SWAP70: variants seen among roughly 807,000 people sequenced by gnomAD.
The protein encoded by SWAP70 is switch-associated protein 70.
In SWAP70, 34 loss-of-function variants were observed where a neutral mutation model predicts 80.2. The ratio of observed to expected loss-of-function variants is 0.42; its 90% CI spans 0.32 to 0.56. The LOEUF is 0.56. Ranked by LOEUF, SWAP70 falls within the 20% of genes least tolerant of loss-of-function variation. The pLI, the probability that SWAP70 is intolerant of heterozygous loss-of-function variation, is 0.09. For synonymous variants in SWAP70, 239 were observed against 238.5 expected (o/e 1.00, Z -0.02); for missense variants, 578 against 690.7 (o/e 0.84, Z 1.83).
rs1851250896 is a variant in SWAP70, at chr11:9,728,170, A to G, written c.760A>G (p.Ile254Val). Residue 254 changes from isoleucine (I) to valine (V), a missense_variant, in exon 5 of 12, where the codon ATT becomes GTT. By Grantham distance (29) the Ile-to-Val change is conservative (BLOSUM62 3). Coordinates refer to ENST00000318950, the MANE Select transcript of SWAP70 (RefSeq NM_015055.4). Reference sequence around the variant, plus strand: ...GGATCTGAAGGATAAGAAAGGAGACATTCTCTTGGATGAAAATTGCTGTGT... The same window carrying G: ...GGATCTGAAGGATAAGAAAGGAGACGTTCTCTTGGATGAAAATTGCTGTGT... ...SEDLKDKKGD[I>V]LLDENCCVES... 2 of 1,611,912 alleles carry G rather than the reference A, an allele frequency of 1.2e-6. No individual in the cohort carries two copies. The highest frequency in any genetic ancestry group is 2.2e-5 in the South Asian group (2 of 90,806).
chr11:9,748,827 A>G (rs1324049345), intron 10 of SWAP70, among the ~76,000 whole-genome samples: 9 of 152,250 alleles, frequency 5.9e-5, no homozygotes, highest in Non-Finnish European at 1.5e-5. Context: ...TGGTGGAAGA[A>G]TAGGCTTTGG....
At chr11:9,690,050 C>T (rs981396341) in intron 1 of SWAP70, among the ~76,000 whole-genome samples, 1 of 152,170 alleles carries the variant, frequency 6.6e-6, no homozygotes, top group Non-Finnish European at 1.5e-5. Context: ...TTTTGCTACA[C>T]GTAAAACTCT....
intron 2 of SWAP70, among the ~76,000 whole-genome samples, chr11:9,702,456 C>T (rs981290114): frequency 7.3e-5 from 11 of 151,534 alleles, no homozygotes; most frequent in African/African-American, 2.4e-4. Context: ...CTGTTGCCCA[C>T]GCTGGAGTGC....
intron 3 of SWAP70, among the ~76,000 whole-genome samples, chr11:9,721,572 A>C (rs951220750): frequency 6.6e-6 from 1 of 151,412 alleles, no homozygotes; most frequent in Non-Finnish European, 1.5e-5. Flanking sequence ...CCTTGGCTCA[A>C]GCAGTCTTCC....
chr11:9,664,726 C>T (rs1477916929), intron 1 of SWAP70, among the ~76,000 whole-genome samples: 1 of 152,174 alleles, frequency 6.6e-6, no homozygotes, highest in African/African-American at 2.4e-5. Flanking sequence ...AGCCCACAGC[C>T]CCACACCAGG....
At chr11:9,684,902 G>A (rs1850611800) in intron 1 of SWAP70, among the ~76,000 whole-genome samples, 1 of 152,150 alleles carries the variant, frequency 6.6e-6, no homozygotes, top group African/African-American at 2.4e-5. Flanking sequence ...ATTCACAGAT[G>A]GCTAAAATAC....
chr11:9,678,543 C>CTTTT (rs72123125), intron 1 of SWAP70, among the ~76,000 whole-genome samples: 6 of 77,184 alleles, frequency 7.8e-5, no homozygotes, highest in East Asian at 3.3e-4. Flanking sequence ...CTCTGAGGTG[C>CTTTT]TTTTTTTTTT....
chr11:9,734,923 C>A (rs1371933597), intron 7 of SWAP70, among the ~76,000 whole-genome samples: 2 of 152,136 alleles, frequency 1.3e-5, no homozygotes, highest in Admixed American at 6.5e-5. Flanking sequence ...CCATGCCCAG[C>A]TGAATCTTTT....
intron 4 of SWAP70, among the ~76,000 whole-genome samples, chr11:9,725,725 C>T (rs1359615206): frequency 6.6e-6 from 1 of 151,552 alleles, no homozygotes; most frequent in South Asian, 2.1e-4. Flanking sequence ...GTGTGCGCCA[C>T]CACGTCCAGC....
At chr11:9,686,344 C>CTTATTAT (rs1850631897) in intron 1 of SWAP70, among the ~76,000 whole-genome samples, 1 of 143,830 alleles carries the variant, frequency 7.0e-6, no homozygotes, top group Non-Finnish European at 1.5e-5. Flanking sequence ...CTTTTATTTT[C>CTTATTAT]TTATTTATTT....
intron 2 of SWAP70, 112 bp downstream of exon 2, chr11:9,694,398 C>T: frequency 8.3e-7 from 1 of 1,203,942 alleles, no homozygotes. Flanking sequence ...CAAAGAATCA[C>T]TAGATAAACC....
Position 9,751,282 on chromosome 11 carries a change from A to G in SWAP70, c.*1312A>G, listed in dbSNP as rs567027990. ...TGTGGTGACAACGGAGGAAATATCC[A>G]ACAGAAATACGTCTAACAGGGAAAT... is the stretch of plus-strand genomic sequence containing the variant. On this transcript the variant is annotated 3_prime_UTR_variant, in exon 12 of 12. Transcript: ENST00000318950. 13 of 152,348 alleles carry G rather than the reference A, an allele frequency of 8.5e-5. No homozygotes were observed. Among genetic ancestry groups the G allele is most frequent in the African/African-American group, 2.9e-4 (12 of 41,580 alleles). The allele number at this position is 152,348 out of a possible 1,614,324, so 9.4% of individuals were successfully genotyped here.
At chr11:9,725,681 C>T (rs1426382258) in intron 4 of SWAP70, among the ~76,000 whole-genome samples, 4 of 150,298 alleles carry the variant, frequency 2.7e-5, no homozygotes, top group Admixed American at 1.3e-4. Flanking sequence ...AAACAATTCT[C>T]CCGCCTCAGC....
At chr11:9,716,241 G>C (rs1226338829) in intron 3 of SWAP70, among the ~76,000 whole-genome samples, 1 of 152,132 alleles carries the variant, frequency 6.6e-6, no homozygotes, top group African/African-American at 2.4e-5. Flanking sequence ...TGGAGACATG[G>C]GAGGTGAGAA....
chr11:9,706,710 G>A lies in SWAP70; in HGVS notation c.241-6756G>A, dbSNP rs190432584. ...GGAGACATAAAAATAGGATCATGCT[G>A]TATATGGTCTTTTCTGACTTGCATT... On this transcript the variant is annotated intron_variant, in intron 2 of 11. Coordinates refer to ENST00000318950, the MANE Select transcript of SWAP70 (RefSeq NM_015055.4). Among the ~76,000 whole-genome samples the A allele has an allele frequency of 4.3e-3, 648 of 152,160 alleles. 4 individuals are homozygous for A. Among genetic ancestry groups the A allele is most frequent in the African/African-American group, 0.015 (617 of 41,518 alleles).
chr11:9,748,380 G>C (rs1312875599), intron 10 of SWAP70, among the ~76,000 whole-genome samples: 1 of 152,234 alleles, frequency 6.6e-6, no homozygotes, highest in Non-Finnish European at 1.5e-5. Flanking sequence ...CGAAAACTGA[G>C]GCAGAGCACC....
At position 9,741,598 on chromosome 11, in the gene SWAP70, G is replaced by A. The variant is rs184827975; in HGVS notation, c.1355+1251G>A. The A allele has an allele frequency of 6.6e-5, 10 of 152,290 alleles. No homozygotes were observed. The South Asian group carries it at 1.2e-3, about 19-fold the overall frequency. 9.4% of individuals were successfully genotyped at this position (152,290 alleles called of 1,614,324 possible). On this transcript the variant is annotated intron_variant, in intron 9 of 11. Transcript: ENST00000318950. ...TAGATTGTTTTTGTGCAAAGAATTC[G>A]CAGGTGAAATATGCTATATGTATTA... is the stretch of plus-strand genomic sequence containing the variant.
At chr11:9,678,621 A>G (rs1426486659) in intron 1 of SWAP70, among the ~76,000 whole-genome samples, 2 of 133,796 alleles carry the variant, frequency 1.5e-5, no homozygotes, top group African/African-American at 5.7e-5. Context: ...CAGAGTTCTT[A>G]ACCTCTCTGA....
intron 1 of SWAP70, among the ~76,000 whole-genome samples, chr11:9,678,641 T>C (rs1850531037): frequency 6.6e-6 from 1 of 151,630 alleles, no homozygotes; most frequent in Admixed American, 6.6e-5. Context: ...ATCTCCATTT[T>C]GTATTTCCTT....
Sources: allele counts gnomAD v4.1 joint callset (sites outside exome capture counted in the v4.1 genomes callset), GRCh38; gene constraint gnomAD v4.1.1; transcripts MANE v1.5; gene names NCBI Gene and HGNC (gene_info 2026-07-23, HGNC 2026-07-21).